C3orf33: variants seen among roughly 807,000 people sequenced by gnomAD.
C3orf33 encodes AP-1 activity suppressor.
C3orf33 carries 23 observed loss-of-function variants against 28.7 expected under a neutral mutation model. The ratio of observed to expected loss-of-function variants is 0.80; its 90% CI spans 0.58 to 1.13. The LOEUF is 1.13. Ranked by LOEUF, C3orf33 falls within the 50% of genes most tolerant of loss-of-function variation. The pLI is 0.00. For synonymous variants in C3orf33, 119 were observed against 120.5 expected, an observed-to-expected ratio of 0.99 and a Z score of 0.08; for missense variants, 327 against 353.4, an observed-to-expected ratio of 0.93 and a Z score of 0.60.
rs1158121128 is a variant in C3orf33, at chr3:155,763,936, T to C, written c.484-18A>G. The stretch of plus-strand genomic sequence containing the variant: ...TATCCACCCTTGAATTTAAAAATAA[T>C]ACAAACCAATTATTTAAGATAATTG... On this transcript the variant is annotated intron_variant, in intron 4 of 4. Transcript: ENST00000340171. 2 of 1,361,034 alleles carry C rather than the reference T, an allele frequency of 1.5e-6. No homozygotes were observed. The highest frequency in any genetic ancestry group is 2.7e-5 in the East Asian group (1 of 36,718). 84.3% of individuals were successfully genotyped at this position (1,361,034 alleles called of 1,614,324 possible). A position where few individuals can be genotyped will look rare whatever the true frequency, so the allele number is the denominator to read the frequency against.
chr3:155,774,664 T>C (rs892553831), intron 3 of C3orf33, among the ~76,000 whole-genome samples: 1 of 128,798 alleles, frequency 7.8e-6, no homozygotes, highest in East Asian at 2.4e-4. Flanking sequence ...GATATTGTTT[T>C]GCTTTTTTTT....
chr3:155,778,789 A>G (rs1251771938), intron 2 of C3orf33, among the ~76,000 whole-genome samples: 1 of 152,194 alleles, frequency 6.6e-6, no homozygotes, highest in East Asian at 1.9e-4. Context: ...AATACCAATG[A>G]ATTAATCAAT....
intron 2 of C3orf33, among the ~76,000 whole-genome samples, chr3:155,777,170 C>T (rs1488092454): frequency 1.3e-5 from 2 of 151,840 alleles, no homozygotes; most frequent in African/African-American, 2.4e-5. Flanking sequence ...CAAAATTAGT[C>T]GGGCGTGGTG....
At chr3:155,765,988 T>G (rs1238382897) in intron 4 of C3orf33, among the ~76,000 whole-genome samples, 2 of 152,240 alleles carry the variant, frequency 1.3e-5, no homozygotes, top group Admixed American at 1.3e-4. Context: ...TCTATTAATA[T>G]TTCAAAAAGC....
At chr3:155,769,540 C>G (rs186861816) in intron 3 of C3orf33, among the ~76,000 whole-genome samples, 2 of 150,172 alleles carry the variant, frequency 1.3e-5, no homozygotes, top group East Asian at 1.9e-4. Flanking sequence ...AATGATCATA[C>G]TTTTACAAAA....
rs1220862510 is a variant in C3orf33 at position 155,762,680 on chromosome 3, A to G, written c.*837T>C. On this transcript the variant is annotated 3_prime_UTR_variant, in exon 5 of 5. Transcript: ENST00000340171. Reference sequence around the variant, plus strand: ...GTAATAAAACTGGAAACATAAACACATATCTTTTCTAAACAAAAATTCAAT... The same window carrying G: ...GTAATAAAACTGGAAACATAAACACGTATCTTTTCTAAACAAAAATTCAAT... 6.6e-6 allele frequency: 1 copy of G among 152,196 alleles called. No individual in the cohort carries two copies. The highest frequency in any genetic ancestry group is 1.5e-5 in the Non-Finnish European group (1 of 68,036). The allele number at this position is 152,196 out of a possible 1,614,324, so 9.4% of individuals were successfully genotyped here.
chr3:155,769,792 CA>C (rs1455238268), intron 3 of C3orf33, among the ~76,000 whole-genome samples: 1 of 152,126 alleles, frequency 6.6e-6, no homozygotes, highest in Non-Finnish European at 1.5e-5. Context: ...ACCTTCAAAC[CA>C]AAGACAGTTT....
At chr3:155,784,347 G>A (rs1751035215) in intron 2 of C3orf33, among the ~76,000 whole-genome samples, 1 of 152,194 alleles carries the variant, frequency 6.6e-6, no homozygotes, top group Non-Finnish European at 1.5e-5. Context: ...TTGAGGTTAA[G>A]TTGGTATGAA....
At chr3:155,805,504 G>C (rs1174617864) in intron 1 of C3orf33, 1 of 416,582 alleles carries the variant, frequency 2.4e-6, no homozygotes, top group East Asian at 7.3e-5. Context: ...GAGATCACTT[G>C]AGGCCAGGAG....
At chr3:155,785,034 A>AG (rs1559994589) in intron 2 of C3orf33, among the ~76,000 whole-genome samples, 2 of 151,948 alleles carry the variant, frequency 1.3e-5, no homozygotes, top group Non-Finnish European at 2.9e-5. Context: ...ATGGAAAAAA[A>AG]TATTCCATGC....
rs1325288480 is a variant in C3orf33, at chr3:155,763,567, G to A, written c.835C>T (p.Leu279=). Residue 279 remains leucine, a synonymous_variant, in exon 5 of 5, where the codon CTG becomes TTG. Coordinates refer to ENST00000340171, the MANE Select transcript of C3orf33 (RefSeq NM_001308229.2). ...KDNMNNCSLI[L]KFRELISRIN... is the part of the protein sequence containing the mutation. ...CGACTTATAAGTTCTCTGAACTTCA[G>A]TATTAAGGAGCAGTTGTTCATGTTG... 6.4e-7 allele frequency: 1 copy of A among 1,564,400 alleles called. No homozygotes were observed. Among genetic ancestry groups the A allele is most frequent in the Non-Finnish European group, 8.6e-7 (1 of 1,165,616 alleles).
At chr3:155,778,261 C>T (rs1577419807) in intron 2 of C3orf33, among the ~76,000 whole-genome samples, 1 of 145,668 alleles carries the variant, frequency 6.9e-6, no homozygotes, top group Non-Finnish European at 1.5e-5. Flanking sequence ...GGGAAAAAAA[C>T]AATAAAGGAC....
At chr3:155,773,657 T>G (rs1445193942) in intron 3 of C3orf33, among the ~76,000 whole-genome samples, 2 of 152,224 alleles carry the variant, frequency 1.3e-5, no homozygotes, top group Non-Finnish European at 2.9e-5. Context: ...TACATGGCAA[T>G]TACAGTGCTG....
intron 4 of C3orf33, among the ~76,000 whole-genome samples, chr3:155,764,172 C>T (rs1286418142): frequency 6.6e-6 from 1 of 152,036 alleles, no homozygotes; most frequent in East Asian, 1.9e-4. Flanking sequence ...TCTCCTAATC[C>T]GAAGAGGTGA....
intron 2 of C3orf33, among the ~76,000 whole-genome samples, chr3:155,801,183 C>T (rs908737704): frequency 7.2e-5 from 11 of 151,986 alleles, no homozygotes; most frequent in Admixed American, 2.0e-4. Context: ...TGGTGGCAGG[C>T]GCCTGTAATC....
chr3:155,776,783 A>AAAAAAT (rs1227879136), intron 2 of C3orf33, among the ~76,000 whole-genome samples: 4 of 149,644 alleles, frequency 2.7e-5, no homozygotes, highest in African/African-American at 9.8e-5. Flanking sequence ...AAAAAAAAAA[A>AAAAAAT]AGAATAAATT....
At chr3:155,802,940 G>T (rs1751694307) in intron 1 of C3orf33, among the ~76,000 whole-genome samples, 1 of 151,946 alleles carries the variant, frequency 6.6e-6, no homozygotes, top group Non-Finnish European at 1.5e-5. Context: ...GTATTGGATT[G>T]TTCTCTACTG....
rs554126788 is a variant in C3orf33, at chr3:155,763,091, A to C, written c.*426T>G. On this transcript the variant is annotated 3_prime_UTR_variant, in exon 5 of 5. Transcript: ENST00000340171. Reference sequence around the variant, plus strand: ...GCAGGAGAATCGCTTGAACCCAGGAAGCAGGAGGTTGCAGTGAGCCAAGAT... The same window carrying C: ...GCAGGAGAATCGCTTGAACCCAGGACGCAGGAGGTTGCAGTGAGCCAAGAT... 6.5e-6 allele frequency: 1 copy of C among 152,860 alleles called. No homozygotes were observed. The highest frequency in any genetic ancestry group is 1.9e-4 in the East Asian group (1 of 5,184). The allele number at this position is 152,860 out of a possible 1,614,324, so 9.5% of individuals were successfully genotyped here. A position where few individuals can be genotyped will look rare whatever the true frequency, so the allele number is the denominator to read the frequency against.
intron 2 of C3orf33, among the ~76,000 whole-genome samples, chr3:155,786,834 A>T (rs956685322): frequency 6.6e-6 from 1 of 152,336 alleles, no homozygotes; most frequent in East Asian, 1.9e-4. Flanking sequence ...CTGTCTCAAA[A>T]AAATAAATAA....
Sources: allele counts gnomAD v4.1 joint callset (sites outside exome capture counted in the v4.1 genomes callset), GRCh38; gene constraint gnomAD v4.1.1; transcripts MANE v1.5; gene names NCBI Gene and HGNC (gene_info 2026-07-23, HGNC 2026-07-21).